The following WDPCP variants were observed in gnomAD, a reference collection of about 807,000 sequenced individuals.
The protein encoded by WDPCP is WD repeat-containing and planar cell polarity effector protein fritz homolog.
A neutral mutation model predicts 93.1 loss-of-function variants in WDPCP; 71 were observed. That is an observed-to-expected ratio of 0.76 (90% CI 0.63 to 0.93). The LOEUF is 0.93. Among genes scored for constraint, WDPCP ranks in the 40% least tolerant of loss-of-function variants. The pLI, the probability that WDPCP is intolerant of heterozygous loss-of-function variation, is 0.00. For missense variants in WDPCP, 844 were observed against 887.4 expected, an observed-to-expected ratio of 0.95 and a Z score of 0.62; for synonymous variants, 315 against 315.0, an observed-to-expected ratio of 1.00 and a Z score of 0.00.
intron 3 of WDPCP, among the ~76,000 whole-genome samples, chr2:63,647,414 G>A (rs531578641): frequency 2.6e-5 from 4 of 152,218 alleles, no homozygotes; most frequent in East Asian, 1.9e-4. Flanking sequence ...GATTACAGGC[G>A]TGAGCCACCA....
At chr2:63,480,007 A>G (rs1385923627) in intron 6 of WDPCP, among the ~76,000 whole-genome samples, 1 of 152,164 alleles carries the variant, frequency 6.6e-6, no homozygotes, top group Non-Finnish European at 1.5e-5. Flanking sequence ...AAAGGCTCCT[A>G]GAACTGATAA....
chr2:63,270,582 G>T (rs146077331), intron 13 of WDPCP, among the ~76,000 whole-genome samples: 3 of 152,164 alleles, frequency 2.0e-5, no homozygotes, highest in African/African-American at 7.2e-5. Flanking sequence ...ATTGAATACA[G>T]CATTTAAGAG....
rs115953775 is a variant in WDPCP, at chr2:63,125,030, T to C, written c.2191-2974A>G. On this transcript the variant is annotated intron_variant, in intron 17 of 17. Coordinates refer to ENST00000272321, the MANE Select transcript of WDPCP (RefSeq NM_015910.7). ...CCCTATGTGGCAGGAGACGCTTTTC[T>C]GAGTAAGTTGACCAGCTATTCAAGT... Among the ~76,000 whole-genome samples the C allele has an allele frequency of 3.3e-3, 510 of 152,366 alleles. 3 individuals are homozygous for C. Among genetic ancestry groups the C allele is most frequent in the Non-Finnish European group, 5.7e-3 (385 of 68,032 alleles).
intron 2 of WDPCP, among the ~76,000 whole-genome samples, chr2:63,703,892 G>C (rs1033867162): frequency 6.6e-6 from 1 of 152,134 alleles, no homozygotes. Context: ...ACCTTGGGCA[G>C]TATGGCCATT....
At chr2:63,582,107 A>G (rs1338503369) in intron 1 of WDPCP, among the ~76,000 whole-genome samples, 10 of 152,292 alleles carry the variant, frequency 6.6e-5, no homozygotes, top group Middle Eastern at 6.8e-3. Flanking sequence ...AAAATTAACT[A>G]AAACCAACCC....
intron 12 of WDPCP, among the ~76,000 whole-genome samples, chr2:63,372,104 A>G (rs1691446170): frequency 6.6e-6 from 1 of 152,162 alleles, no homozygotes; most frequent in South Asian, 2.1e-4. Flanking sequence ...TCATGGCGGA[A>G]GGCAAAGGGG....
chr2:63,719,339 G>A (rs1042081094), intron 2 of WDPCP, among the ~76,000 whole-genome samples: 1 of 152,136 alleles, frequency 6.6e-6, no homozygotes, highest in Non-Finnish European at 1.5e-5. Context: ...CAGGGCAAGC[G>A]ACAGTAGTGA....
intron 12 of WDPCP, among the ~76,000 whole-genome samples, chr2:63,338,567 AAAATAT>A (rs1220648948): frequency 1.1e-3 from 12 of 10,958 alleles, no homozygotes; most frequent in Non-Finnish European, 1.1e-3. Context: ...AAAAAAAAAA[AAAATAT>A]ATATATATAT....
intron 12 of WDPCP, among the ~76,000 whole-genome samples, chr2:63,365,338 G>T (rs1489891684): frequency 6.6e-6 from 1 of 152,114 alleles, no homozygotes; most frequent in Admixed American, 6.5e-5. Context: ...AGAATGGCAG[G>T]AATTTACTAC....
chr2:63,746,794 G>A (rs571350739), intron 2 of WDPCP, among the ~76,000 whole-genome samples: 102 of 152,214 alleles, frequency 6.7e-4, no homozygotes, highest in Middle Eastern at 3.4e-3. Flanking sequence ...CGTGCACAGC[G>A]GGACATGGAA....
intron 2 of WDPCP, among the ~76,000 whole-genome samples, chr2:63,762,983 C>T (rs1670079617): frequency 6.6e-6 from 1 of 152,106 alleles, no homozygotes; most frequent in Admixed American, 6.5e-5. Flanking sequence ...TATACCAGAC[C>T]TGTTATATAT....
Position 63,433,800 on chromosome 2 carries a change from G to A in WDPCP, c.770C>T (p.Ser257Phe), listed in dbSNP as rs774989844. 19 of 1,612,266 alleles carry A rather than the reference G, an allele frequency of 1.2e-5. No individual in the cohort carries two copies. The East Asian group carries it at 4.0e-4, about 34-fold the overall frequency. Reference sequence around the variant, plus strand: ...GAGTAGATTGGCTCTGTCCTTCTCAGAAGAAATGGGGGCCCAAGGCCAAGC... The same window carrying A: ...GAGTAGATTGGCTCTGTCCTTCTCAAAAGAAATGGGGGCCCAAGGCCAAGC... ...DDAWPWAPIS[S>F]EKDRANLLLL... The change falls in exon 9 of 18, where the codon TCT becomes TTT. Residue 257 changes from serine (S) to phenylalanine (F), a missense_variant. Ser to Phe is a radical substitution (Grantham distance 155). Transcript: ENST00000272321.
intron 4 of WDPCP, 79 bp downstream of exon 4, chr2:63,486,463 T>A (rs907416163): frequency 6.1e-5 from 82 of 1,342,648 alleles, no homozygotes; most frequent in African/African-American, 1.5e-5. Flanking sequence ...TAAAGTTTCC[T>A]CTTTGTTCCA....
rs1051684985 is a variant in WDPCP, at chr2:63,439,869, G to A, written c.387C>T (p.Leu129=). 1 of 1,612,702 alleles carries A rather than the reference G, an allele frequency of 6.2e-7. No homozygotes were observed. Among genetic ancestry groups the A allele is most frequent in the African/African-American group, 1.3e-5 (1 of 74,804 alleles). ...SKWKNKYVCQ[L]LFGSGVLVSL... is the part of the protein sequence containing the mutation. ...ACACCAGCACACCTGAACCAAAAAGGAGCTAAAACCAGGTAAGTGGGGGAG... is the reference window on the plus strand; with the variant it reads ...ACACCAGCACACCTGAACCAAAAAGAAGCTAAAACCAGGTAAGTGGGGGAG... Residue 129 remains leucine (L), a splice_region_variant and synonymous_variant, in exon 7 of 18, where the codon CTC becomes CTT. Transcript: ENST00000272321.
chr2:63,383,654 G>A (rs1042752091), intron 10 of WDPCP, among the ~76,000 whole-genome samples: 10 of 152,062 alleles, frequency 6.6e-5, no homozygotes, highest in Non-Finnish European at 1.5e-4. Context: ...TGGAGGTTGC[G>A]TTGAACCAAG....
At chr2:63,454,061 A>C (rs991287690) in intron 6 of WDPCP, among the ~76,000 whole-genome samples, 5 of 151,896 alleles carry the variant, frequency 3.3e-5, no homozygotes, top group Non-Finnish European at 5.9e-5. Flanking sequence ...CATATGTAAC[A>C]AACCTGCACG....
intron 3 of WDPCP, among the ~76,000 whole-genome samples, chr2:63,646,820 T>C (rs1460688076): frequency 6.6e-6 from 1 of 152,192 alleles, no homozygotes; most frequent in East Asian, 1.9e-4. Flanking sequence ...TCTCTTTTGC[T>C]GCTTTTAGGA....
intron 14 of WDPCP, among the ~76,000 whole-genome samples, chr2:63,185,735 G>T (rs1316677549): frequency 6.6e-6 from 1 of 152,164 alleles, no homozygotes; most frequent in Non-Finnish European, 1.5e-5. Context: ...GCTGGCTGTG[G>T]TGGTAGTAGT....
intron 2 of WDPCP, among the ~76,000 whole-genome samples, chr2:63,723,121 T>G (rs1171379858): frequency 6.6e-6 from 1 of 151,766 alleles, no homozygotes; most frequent in Non-Finnish European, 1.5e-5. Context: ...CTCCCTAATC[T>G]CAAGTACCCA....
Sources: allele counts gnomAD v4.1 joint callset (sites outside exome capture counted in the v4.1 genomes callset), GRCh38; gene constraint gnomAD v4.1.1; transcripts MANE v1.5; gene names NCBI Gene and HGNC (gene_info 2026-07-23, HGNC 2026-07-21).